ITPRID2: variants seen among roughly 807,000 people sequenced by gnomAD.
The protein encoded by ITPRID2 is ITPR interacting domain containing 2.
ITPRID2 carries 60 observed loss-of-function variants against 124.3 expected under a neutral mutation model. That is an observed-to-expected ratio of 0.48 (90% CI 0.39 to 0.60). The LOEUF is 0.60. Ranked by LOEUF, ITPRID2 falls within the 20% of genes least tolerant of loss-of-function variation. The probability of loss-of-function intolerance (pLI) is 0.00; values close to 1 mark genes in which losing one functional copy is unlikely to be tolerated. For synonymous variants in ITPRID2, 521 were observed against 542.9 expected (o/e 0.96, Z 0.56); for missense variants, 1,553 against 1,512.2 (o/e 1.03, Z -0.45).
chr2:181,893,821 A>G (rs1360359876), intron 2 of ITPRID2: 1 of 152,218 alleles, frequency 6.6e-6, no homozygotes, highest in Non-Finnish European at 1.5e-5. Flanking sequence ...AAGAAATTGT[A>G]TTAATGTGCT....
chr2:181,920,564 A>T (rs760029672), intron 14 of ITPRID2, 33 bp from the exon 15 acceptor site: 1 of 1,518,926 alleles, frequency 6.6e-7, no homozygotes, highest in African/African-American at 1.4e-5. Context: ...ATACACACAC[A>T]TATACATATA....
rs765271213 is a variant in ITPRID2, at chr2:181,902,388, A to C, written c.1335A>C (p.Lys445Asn). 25 of 1,613,742 alleles carry C rather than the reference A, an allele frequency of 1.5e-5. No homozygotes were observed. Among genetic ancestry groups the C allele is most frequent in the Non-Finnish European group, 1.9e-5 (23 of 1,179,886 alleles). ...GTGTCCATATATCCACACCTGAAAAAGAGCCTTGTGCACCACTGACAATAC... is the reference window on the plus strand; with the variant it reads ...GTGTCCATATATCCACACCTGAAAACGAGCCTTGTGCACCACTGACAATAC... The part of the protein sequence containing the change: ...LKSVHISTPE[K>N]EPCAPLTIPS... Residue 445 changes from lysine (K) to asparagine (N), a missense_variant, in exon 8 of 18, where the codon AAA (lysine) becomes AAC (asparagine). Lys to Asn is a moderately conservative substitution (Grantham distance 94, BLOSUM62 0). Transcript: ENST00000431877. The surrounding 1 kb of genome is among the most constrained non-coding windows in gnomAD (Gnocchi z 4.4).
Position 181,901,833 on chromosome 2 carries a change from C to T in ITPRID2, c.780C>T (p.Val260=). 1 of 1,613,770 alleles carries T rather than the reference C, an allele frequency of 6.2e-7. No individual in the cohort carries two copies. ...ANAFSSLYSQ[V]SGTPLQRIGS... is the part of the protein sequence containing the mutation. ...CGTTTTCTTCTTTATATTCTCAAGT[C>T]TCCGGGACGCCCCTGCAGAGAATTG... is the stretch of plus-strand genomic sequence containing the variant. The change falls in exon 8 of 18, where the codon GTC becomes GTT. Residue 260 remains valine, a synonymous_variant. Coordinates refer to ENST00000431877, the MANE Select transcript of ITPRID2 (RefSeq NM_001130445.3).
At position 181,892,925 on chromosome 2, in the gene ITPRID2, A is replaced by G. The variant is rs1691883269; in HGVS notation, c.257+265A>G. On this transcript the variant is annotated intron_variant, in intron 2 of 17. Coordinates refer to ENST00000431877, the MANE Select transcript of ITPRID2 (RefSeq NM_001130445.3). The surrounding 1 kb of genome is among the most constrained non-coding windows in gnomAD (Gnocchi z 5.2). ...TAGCATCAGAGATCAGAAATCCAGAACAGATAATCATGCCATATTTGTTCT... is the reference window on the plus strand; with the variant it reads ...TAGCATCAGAGATCAGAAATCCAGAGCAGATAATCATGCCATATTTGTTCT... 1 of 556,268 alleles carries G rather than the reference A, an allele frequency of 1.8e-6. No individual in the cohort carries two copies. The highest frequency in any genetic ancestry group is 3.2e-6 in the Non-Finnish European group (1 of 309,498). The allele number at this position is 556,268 out of a possible 1,614,324, so 34.5% of individuals were successfully genotyped here. A position where few individuals can be genotyped will look rare whatever the true frequency, so the allele number is the denominator to read the frequency against.
intron 8 of ITPRID2, among the ~76,000 whole-genome samples, chr2:181,908,844 T>C (rs1163215740): frequency 6.6e-6 from 1 of 152,186 alleles, no homozygotes; most frequent in African/African-American, 2.4e-5. Context: ...ATGTGTTAAC[T>C]ATTAGCGCTT....
Position 181,913,873 on chromosome 2 carries a change from T to A in ITPRID2, c.1515T>A (p.His505Gln), listed in dbSNP as rs1358658820. The A allele has an allele frequency of 1.2e-6, 2 of 1,613,314 alleles. No homozygotes were observed. Among genetic ancestry groups the A allele is most frequent in the Non-Finnish European group, 1.7e-6 (2 of 1,179,742 alleles). Residue 505 changes from histidine (H) to glutamine (Q), a missense_variant, in exon 10 of 18, where the codon CAT becomes CAA. By Grantham distance (24) the His-to-Gln change is conservative (BLOSUM62 0). Coordinates refer to ENST00000431877, the MANE Select transcript of ITPRID2 (RefSeq NM_001130445.3). ...ATCTGTTACGTACTGCAAGTCAGCATTCCGATAGCAGTGGTTTTGCTGAAG... is the reference window on the plus strand; with the variant it reads ...ATCTGTTACGTACTGCAAGTCAGCAATCCGATAGCAGTGGTTTTGCTGAAG... ...RDHLLRTASQ[H>Q]SDSSGFAEDS... is the part of the protein sequence containing the mutation.
chr2:181,904,189 A>G (rs1436780525), intron 8 of ITPRID2, among the ~76,000 whole-genome samples: 1 of 152,198 alleles, frequency 6.6e-6, no homozygotes, highest in Non-Finnish European at 1.5e-5. Flanking sequence ...CTTTTGTGGC[A>G]AGTTAACCTT....
Position 181,892,532 on chromosome 2 carries a change from T to C in ITPRID2, c.212-83T>C, listed in dbSNP as rs1231908452. ...TAGGCTGCATTTGCCGTGGTAGATTTTCCTACTTGGGAGGGTCCAGGGTGA... is the reference window on the plus strand; with the variant it reads ...TAGGCTGCATTTGCCGTGGTAGATTCTCCTACTTGGGAGGGTCCAGGGTGA... On this transcript the variant is annotated intron_variant, in intron 1 of 17. Coordinates refer to ENST00000431877, the MANE Select transcript of ITPRID2 (RefSeq NM_001130445.3). The surrounding 1 kb of genome is among the most constrained non-coding windows in gnomAD (Gnocchi z 5.2). 8 of 1,555,316 alleles carry C rather than the reference T, an allele frequency of 5.1e-6. No homozygotes were observed. In the East Asian group the frequency reaches 1.8e-4, roughly 35 times the overall value.
At position 181,922,334 on chromosome 2, in the gene ITPRID2, A is replaced by C. The variant is rs996696652; in HGVS notation, c.3597A>C (p.Gly1199=). Residue 1199 remains glycine, a synonymous_variant, in exon 16 of 18, where the codon GGA becomes GGC. Transcript: ENST00000431877. ...AATCTGAAGTGGAAGAAGGGCATGG[A>C]AAACTCCCATCAATGCCAGCTGCTG... ...GPKSEVEEGH[G]KLPSMPAAEE... is the part of the protein sequence containing the mutation. 4 of 1,614,106 alleles carry C rather than the reference A, an allele frequency of 2.5e-6. No individual in the cohort carries two copies. In the African/African-American group the frequency reaches 5.3e-5, roughly 22 times the overall value.
Position 181,916,310 on chromosome 2 carries a change from A to T in ITPRID2, c.2670A>T (p.Ser890=), listed in dbSNP as rs1694044162. Residue 890 remains serine, a synonymous_variant, in exon 11 of 18, where the codon TCA becomes TCT. Coordinates refer to ENST00000431877, the MANE Select transcript of ITPRID2 (RefSeq NM_001130445.3). ...CTTCCCCTTTCGGGTGTCCTTACTC[A>T]CATAGACATGCCACCTACCCTTACC... ...AFASPFGCPY[S]HRHATYPYRV... The T allele has an allele frequency of 6.2e-7, 1 of 1,614,096 alleles. No homozygotes were observed. Among genetic ancestry groups the T allele is most frequent in the African/African-American group, 1.3e-5 (1 of 74,934 alleles).
Position 181,929,699 on chromosome 2 carries a change from C to T in ITPRID2, c.*152C>T. The T allele has an allele frequency of 1.5e-6, 2 of 1,378,160 alleles. No individual in the cohort carries two copies. Among genetic ancestry groups the T allele is most frequent in the Non-Finnish European group, 9.9e-7 (1 of 1,005,072 alleles). 85.4% of individuals were successfully genotyped at this position (1,378,160 alleles called of 1,614,324 possible). A position where few individuals can be genotyped will look rare whatever the true frequency, so the allele number is the denominator to read the frequency against. ...AGTGTACAATGTGTATTTCTTCAAC[C>T]ATATATTTTAAAAAGACGTACATAG... On this transcript the variant is annotated 3_prime_UTR_variant, in exon 18 of 18. Transcript: ENST00000431877.
In ITPRID2 at chr2:181,929,663, C is replaced by T. The variant is rs1181952855; in HGVS notation, c.*116C>T. On this transcript the variant is annotated 3_prime_UTR_variant, in exon 18 of 18. Transcript: ENST00000431877. ...AGAAGATACTTGCTGTTGAGCTGGG[C>T]TACTGTATACAGTGTACAATGTGTA... The T allele has an allele frequency of 1.3e-6, 2 of 1,591,952 alleles. No individual in the cohort carries two copies. Among genetic ancestry groups the T allele is most frequent in the Non-Finnish European group, 1.7e-6 (2 of 1,160,772 alleles).
At chr2:181,903,131 T>C (rs1692815317) in intron 8 of ITPRID2, among the ~76,000 whole-genome samples, 1 of 152,188 alleles carries the variant, frequency 6.6e-6, no homozygotes, top group Non-Finnish European at 1.5e-5. Flanking sequence ...AAAAGATACT[T>C]ATTTTGAATG....
intron 2 of ITPRID2, among the ~76,000 whole-genome samples, chr2:181,894,886 T>C (rs548443874): frequency 6.6e-6 from 1 of 152,190 alleles, no homozygotes; most frequent in South Asian, 2.1e-4. Flanking sequence ...CATAGACCAG[T>C]AGAGACATCT....
chr2:181,910,553 T>C lies in ITPRID2; in HGVS notation c.1486+582T>C. On this transcript the variant is annotated intron_variant, in intron 9 of 17. Transcript: ENST00000431877. This position sits in a 1 kb window ranked among gnomAD's most constrained non-coding sequence, Gnocchi z 4.1. ...CTTGCAACAACAACAACAACAAAAA[T>C]GTGTGATCTTTGGATTTACAAAACT... 1 of 676,140 alleles carries C rather than the reference T, an allele frequency of 1.5e-6. No individual in the cohort carries two copies. Among genetic ancestry groups the C allele is most frequent in the Non-Finnish European group, 2.7e-6 (1 of 371,306 alleles). 41.9% of individuals were successfully genotyped at this position (676,140 alleles called of 1,614,324 possible).
Position 181,907,922 on chromosome 2 carries a change from T to C in ITPRID2, c.1414-1977T>C, listed in dbSNP as rs1693282913. Among the ~76,000 whole-genome samples the C allele has an allele frequency of 6.6e-6, 1 of 152,216 alleles. No individual in the cohort carries two copies. The highest frequency in any genetic ancestry group is 6.5e-5 in the Admixed American group (1 of 15,280). On this transcript the variant is annotated intron_variant, in intron 8 of 17. Transcript: ENST00000431877. This position sits in a 1 kb window ranked among gnomAD's most constrained non-coding sequence, Gnocchi z 5.1. ...AGTGCTCCTTTCTTGCACTTAATTA[T>C]GGAGTTTGTAGTAAAAGGAGAGAGT...
chr2:181,929,076 A>G (rs1490910503), intron 17 of ITPRID2, among the ~76,000 whole-genome samples: 3 of 151,908 alleles, frequency 2.0e-5, no homozygotes, highest in Admixed American at 1.3e-4. Flanking sequence ...TTTATCTCGT[A>G]GCTCTAATTA....
At chr2:181,909,786 A>ATTCAAACTTTAAGTTTG in intron 8 of ITPRID2, 113 bp from the exon 9 acceptor site, 1 of 631,494 alleles carries the variant, frequency 1.6e-6, no homozygotes, top group East Asian at 3.1e-5. Flanking sequence ...ATATATATAT[A>ATTCAAACTTTAAGTTTG]ATGTTTTGGT....
At chr2:181,900,321 T>C (rs1692555287) in intron 6 of ITPRID2, among the ~76,000 whole-genome samples, 1 of 152,216 alleles carries the variant, frequency 6.6e-6, no homozygotes, top group Non-Finnish European at 1.5e-5. Flanking sequence ...TTCCTTTTAA[T>C]TTCTGCTTTA....
Sources: gnomAD v4.1 joint callset for allele counts (sites outside exome capture counted in the v4.1 genomes callset) on GRCh38, gnomAD v4.1.1 for gene constraint, Gnocchi (gnomAD v3.1) non-coding constraint, MANE v1.5 for transcripts, NCBI Gene and HGNC (gene_info 2026-07-23, HGNC 2026-07-21) for gene names.